CPNE7: variants seen among roughly 807,000 people sequenced by gnomAD.
CPNE7 encodes copine 7, also known as copine-7.
CPNE7 carries 78 observed loss-of-function variants against 66.5 expected under a neutral mutation model. The ratio of observed to expected loss-of-function variants is 1.17; its 90% CI spans 0.98 to 1.42. The LOEUF (loss-of-function observed/expected upper bound fraction) is 1.42, where lower values mean the gene tolerates loss of function less well. Among genes scored for constraint, CPNE7 ranks in the 40% most tolerant of loss-of-function variants. CPNE7 has a pLI of 0.00. For synonymous variants in CPNE7, 468 were observed against 336.7 expected (o/e 1.39, Z -4.27); for missense variants, 1,012 against 776.6 (o/e 1.30, Z -3.60).
At position 89,586,544 on chromosome 16, in the gene CPNE7, G is replaced by GCCCTCCCCTCCCCTC. The variant is rs563131504; in HGVS notation, c.781-122_781-108dup. ...CCCCTTCCTGCTGCCCTGCAGCAGT[G>GCCCTCCCCTCCCCTC]CCCTCCCCTCCCCTCCCCACCACGG... On this transcript the variant is annotated intron_variant, in intron 7 of 14. Transcript: ENST00000319518. 4.2e-6 allele frequency: 3 copies of GCCCTCCCCTCCCCTC among 713,818 alleles called. No individual in the cohort carries two copies. In the African/African-American group the frequency reaches 5.3e-5, roughly 13 times the overall value. The allele number at this position is 713,818 out of a possible 1,614,324, so 44.2% of individuals were successfully genotyped here.
At chr16:89,582,442 T>C (rs984265327) in intron 2 of CPNE7, among the ~76,000 whole-genome samples, 2 of 152,194 alleles carry the variant, frequency 1.3e-5, no homozygotes, top group Admixed American at 6.5e-5. Context: ...GGGAGGCCAC[T>C]CCTTTCCTGC....
In CPNE7 at chr16:89,575,811, G is replaced by A; in HGVS notation, c.-87G>A. The A allele has an allele frequency of 2.0e-6, 2 of 999,188 alleles. No individual in the cohort carries two copies. The highest frequency in any genetic ancestry group is 3.5e-5 in the African/African-American group (2 of 57,718). 61.9% of individuals were successfully genotyped at this position (999,188 alleles called of 1,614,324 possible). On this transcript the variant is annotated 5_prime_UTR_variant, in exon 1 of 15. Transcript: ENST00000319518. ...GGGAAGCGCGGCCACGCCTGGGCCG[G>A]CCACCATTTCCCGGGCGCCGCGGCG...
Position 89,584,055 on chromosome 16 carries a change from A to G in CPNE7, c.460A>G (p.Asn154Asp). The stretch of plus-strand genomic sequence containing the variant: ...GATCGCCGAGGACATCTCGGGGAAC[A>G]ACGGCTACGTGGAGCTCTCCTTCCG... ...TVIAEDISGN[N>D]GYVELSFRAR... Residue 154 changes from asparagine (N) to aspartate (D), a missense_variant, in exon 4 of 15, where the codon AAC (asparagine) becomes GAC (aspartate). Physicochemically the swap from Asn to Asp is conservative, Grantham distance 23 (BLOSUM62 1). Coordinates refer to ENST00000319518, the MANE Select transcript of CPNE7 (RefSeq NM_153636.3). The surrounding 1 kb of genome is among the most constrained non-coding windows in gnomAD (Gnocchi z 6.0). 6.2e-7 allele frequency: 1 copy of G among 1,612,166 alleles called. No homozygotes were observed.
intron 13 of CPNE7, among the ~76,000 whole-genome samples, chr16:89,593,636 G>A (rs980120495): frequency 6.6e-6 from 1 of 152,350 alleles, no homozygotes; most frequent in South Asian, 2.1e-4. Flanking sequence ...ACAGGCGTGA[G>A]CCACCGCGCC....
At chr16:89,592,987 A>G (rs868698824) in intron 13 of CPNE7, among the ~76,000 whole-genome samples, 1 of 144,182 alleles carries the variant, frequency 6.9e-6, no homozygotes. Flanking sequence ...TAATTTTTAT[A>G]TTTTTGTAGA....
In CPNE7 at chr16:89,595,448, C is replaced by A. The variant is rs373521038; in HGVS notation, c.1384C>A (p.Arg462Ser). The A allele has an allele frequency of 2.5e-6, 4 of 1,612,090 alleles. No individual in the cohort carries two copies. The highest frequency in any genetic ancestry group is 1.1e-5 in the South Asian group (1 of 90,948). Reference sequence around the variant, plus strand: ...ACGGGAGGCCATTGTGCGTGCCTCACGCCTGCCCATGTCCATCATCATCGT... The same window carrying A: ...ACGGGAGGCCATTGTGCGTGCCTCAAGCCTGCCCATGTCCATCATCATCGT... The part of the protein sequence containing the change: ...DTREAIVRAS[R>S]LPMSIIIVGV... Residue 462 changes from arginine (R) to serine (S), a missense_variant, in exon 14 of 15, where the codon CGC (arginine) becomes AGC (serine). Coordinates refer to ENST00000319518, the MANE Select transcript of CPNE7 (RefSeq NM_153636.3).
In CPNE7 at chr16:89,586,987, T is replaced by C. The variant is rs1283472008; in HGVS notation, c.868-56T>C. 4.0e-6 allele frequency: 6 copies of C among 1,514,828 alleles called. No homozygotes were observed. In the South Asian group the frequency reaches 4.8e-5, roughly 12 times the overall value. 93.8% of individuals were successfully genotyped at this position (1,514,828 alleles called of 1,614,324 possible). ...GCGGGAGGCAGGCCTGGATCCCAGC[T>C]GGCACTGGCCTCAGTGTCCCTGGCG... On this transcript the variant is annotated intron_variant, in intron 8 of 14. Transcript: ENST00000319518.
At chr16:89,585,300 G>GA (rs2059017080) in intron 5 of CPNE7, among the ~76,000 whole-genome samples, 164 bp from the exon 6 acceptor site, 1 of 152,154 alleles carries the variant, frequency 6.6e-6, no homozygotes, top group South Asian at 2.1e-4. Context: ...TTCGTGCAGG[G>GA]AGTGGGTGCC....
At position 89,584,052 on chromosome 16, in the gene CPNE7, A is replaced by T. The variant is rs2058997248; in HGVS notation, c.457A>T (p.Asn153Tyr). 1.2e-6 allele frequency: 2 copies of T among 1,612,054 alleles called. No individual in the cohort carries two copies. The highest frequency in any genetic ancestry group is 8.5e-7 in the Non-Finnish European group (1 of 1,179,642). Residue 153 changes from asparagine (N) to tyrosine (Y), a missense_variant, in exon 4 of 15, where the codon AAC becomes TAC. By Grantham distance (143) the Asn-to-Tyr change is moderately radical (BLOSUM62 -2). Transcript: ENST00000319518. This position sits in a 1 kb window ranked among gnomAD's most constrained non-coding sequence, Gnocchi z 6.0. ...GGTGATCGCCGAGGACATCTCGGGG[A>T]ACAACGGCTACGTGGAGCTCTCCTT... The part of the protein sequence containing the change: ...ITVIAEDISG[N>Y]NGYVELSFRA...
chr16:89,585,574 A>G (rs2151438379), intron 6 of CPNE7, 21 bp downstream of exon 6: 1 of 1,516,686 alleles, frequency 6.6e-7, no homozygotes, highest in South Asian at 1.1e-5. Flanking sequence ...GGATGGACCA[A>G]GGGGGCAGTG....
chr16:89,576,110 C>T (rs2058855279), intron 1 of CPNE7, 39 bp downstream of exon 1: 4 of 1,237,688 alleles, frequency 3.2e-6, no homozygotes, highest in Admixed American at 4.2e-5. Context: ...GCCACCGGGC[C>T]GGGGCTGGCG....
At chr16:89,596,456 G>C in intron 14 of CPNE7, 28 bp from the exon 15 acceptor site, 1 of 1,593,252 alleles carries the variant, frequency 6.3e-7, no homozygotes, top group Non-Finnish European at 8.5e-7. Flanking sequence ...GAAGGTCCCA[G>C]AGGTAACTGC....
Position 89,575,917 on chromosome 16 carries a change from GC to G in CPNE7, c.21del (p.Ala9ArgfsTer118). 1 of 1,249,806 alleles carries G rather than the reference GC, an allele frequency of 8.0e-7. No homozygotes were observed. The highest frequency in any genetic ancestry group is 2.9e-5 in the South Asian group (1 of 34,336). The allele number at this position is 1,249,806 out of a possible 1,614,324, so 77.4% of individuals were successfully genotyped here. On this transcript the variant is annotated frameshift_variant, in exon 1 of 15. Transcript: ENST00000319518. LOFTEE classifies it high-confidence loss of function. ...GGGAGCATGAGCGCGGGCTCGGAGC[GC>G]GGGGCGGCGGCAACCCCCGGGGGTT... MSAGSE[R>X]GAAATPGGLP... is the part of the protein sequence containing the mutation.
At chr16:89,592,810 CTTTT>C (rs57297283) in intron 13 of CPNE7, among the ~76,000 whole-genome samples, 2 of 106,390 alleles carry the variant, frequency 1.9e-5, no homozygotes, top group African/African-American at 3.9e-5. Context: ...TTTTTCTTTT[CTTTT>C]TTTTTTTTTT....
At position 89,595,529 on chromosome 16, in the gene CPNE7, G is replaced by A. The variant is rs372988583; in HGVS notation, c.1465G>A (p.Val489Ile). The A allele has an allele frequency of 1.3e-5, 21 of 1,612,452 alleles. No homozygotes were observed. Among genetic ancestry groups the A allele is most frequent in the East Asian group, 4.5e-5 (2 of 44,886 alleles). Residue 489 changes from valine to isoleucine, a missense_variant, in exon 14 of 15, where the codon GTC becomes ATC. Val to Ile is a conservative substitution (Grantham distance 29). Coordinates refer to ENST00000319518, the MANE Select transcript of CPNE7 (RefSeq NM_153636.3). ...DMQVLDGDDG[V>I]LRSPRGEPAL... is the part of the protein sequence containing the mutation. ...GCAGGTCCTGGACGGCGACGACGGCGTCCTGCGCTCCCCACGGGGTGAGCC... is the reference window on the plus strand; with the variant it reads ...GCAGGTCCTGGACGGCGACGACGGCATCCTGCGCTCCCCACGGGGTGAGCC...
chr16:89,585,553 G>C lies in CPNE7; in HGVS notation c.681G>C (p.Lys227Asn). The C allele has an allele frequency of 6.2e-7, 1 of 1,609,886 alleles. No homozygotes were observed. The highest frequency in any genetic ancestry group is 8.5e-7 in the Non-Finnish European group (1 of 1,178,226). The change falls in exon 6 of 15, where the codon AAG (lysine) becomes AAC (asparagine). Residue 227 changes from lysine (K) to asparagine (N), a missense_variant and splice_region_variant. Coordinates refer to ENST00000319518, the MANE Select transcript of CPNE7 (RefSeq NM_153636.3). ...GCTGCGAGGAGACAAGGCCTCTAAA[G>C]GTGGGGGACGGGATGGACCAAGGGG... ...LCSCEETRPL[K>N]CLVWDYDSRG... is the part of the protein sequence containing the mutation.
At chr16:89,593,020 C>T (rs976340574) in intron 13 of CPNE7, among the ~76,000 whole-genome samples, 6 of 151,478 alleles carry the variant, frequency 4.0e-5, no homozygotes, top group African/African-American at 1.5e-4. Context: ...CTGTCTTGGC[C>T]AGGCTGGTCT....
chr16:89,595,988 A>G, intron 14 of CPNE7: 1 of 495,706 alleles, frequency 2.0e-6, no homozygotes, highest in Non-Finnish European at 3.9e-6. Context: ...TGAGACGCAC[A>G]GCACACACGT....
chr16:89,584,863 C>G lies in CPNE7; in HGVS notation c.591+6C>G. The G allele has an allele frequency of 6.2e-7, 1 of 1,612,292 alleles. No individual in the cohort carries two copies. The highest frequency in any genetic ancestry group is 8.5e-7 in the Non-Finnish European group (1 of 1,179,232). On this transcript the variant is annotated splice_donor_region_variant and intron_variant, in intron 5 of 14. Transcript: ENST00000319518. The surrounding 1 kb of genome is among the most constrained non-coding windows in gnomAD (Gnocchi z 6.0). Reference sequence around the variant, plus strand: ...AGCTGGTGTACAGGACGGAGGTGAGCGGCCGGGGATGGGAACACAGGGAGG... The same window carrying G: ...AGCTGGTGTACAGGACGGAGGTGAGGGGCCGGGGATGGGAACACAGGGAGG...
Sources: allele counts gnomAD v4.1 joint callset (sites outside exome capture counted in the v4.1 genomes callset), GRCh38; gene constraint gnomAD v4.1.1; non-coding constraint Gnocchi (gnomAD v3.1); transcripts MANE v1.5; gene names NCBI Gene and HGNC (gene_info 2026-07-23, HGNC 2026-07-21).